The following CNIH3 variants were observed in gnomAD, a reference collection of about 807,000 sequenced individuals.
CNIH3 encodes the protein cornichon family AMPA receptor auxiliary protein 3.
A neutral mutation model predicts 24.1 loss-of-function variants in CNIH3; 14 were observed. The observed-to-expected ratio is 0.58, with a 90% CI of 0.38 to 0.91. The LOEUF is 0.91. Among genes scored for constraint, CNIH3 ranks in the 40% least tolerant of loss-of-function variants. CNIH3 has a pLI of 0.00. For synonymous variants in CNIH3, 68 were observed against 73.8 expected (o/e 0.92, Z 0.40); for missense variants, 178 against 196.8 (o/e 0.90, Z 0.57).
At chr1:224,563,968 C>A (rs1425609025) in intron 3 of CNIH3, among the ~76,000 whole-genome samples, 1 of 152,232 alleles carries the variant, frequency 6.6e-6, no homozygotes, top group South Asian at 2.1e-4. Context: ...GAATCTTAAA[C>A]AAAATCTATA....
intron 4 of CNIH3, among the ~76,000 whole-genome samples, chr1:224,582,478 T>A (rs1681317698): frequency 6.6e-6 from 1 of 152,168 alleles, no homozygotes; most frequent in South Asian, 2.1e-4. Context: ...AAAATAATGG[T>A]GATGGATTTT....
At chr1:224,637,762 A>C (rs1684166629) in intron 1 of CNIH3, among the ~76,000 whole-genome samples, 2 of 152,134 alleles carry the variant, frequency 1.3e-5, no homozygotes, top group African/African-American at 4.8e-5. Flanking sequence ...AGCTGGGCGG[A>C]GGCAGAGCTC....
intron 1 of CNIH3, among the ~76,000 whole-genome samples, chr1:224,483,292 G>A (rs1676885594): frequency 1.3e-5 from 2 of 152,178 alleles, no homozygotes; most frequent in South Asian, 2.1e-4. Context: ...GAAGGTTGCA[G>A]TGAGCTGAGA....
intron 2 of CNIH3, among the ~76,000 whole-genome samples, chr1:224,532,369 G>A (rs1385139330): frequency 6.6e-6 from 1 of 152,184 alleles, no homozygotes; most frequent in Non-Finnish European, 1.5e-5. Flanking sequence ...GGAGCCTGTG[G>A]AAGGTTTGAA....
At chr1:224,483,846 A>T (rs918464938) in intron 1 of CNIH3, among the ~76,000 whole-genome samples, 1 of 151,866 alleles carries the variant, frequency 6.6e-6, no homozygotes, top group African/African-American at 2.4e-5. Flanking sequence ...AGAAATTTGC[A>T]TGTATGTAGT....
At chr1:224,493,178 A>T in intron 1 of CNIH3, among the ~76,000 whole-genome samples, 1 of 152,168 alleles carries the variant, frequency 6.6e-6, no homozygotes, top group African/African-American at 2.4e-5. Context: ...AAAGAAATCC[A>T]TTTGTTGGAA....
At chr1:224,594,219 G>T (rs1681881455) in intron 3 of CNIH3, among the ~76,000 whole-genome samples, 1 of 152,216 alleles carries the variant, frequency 6.6e-6, no homozygotes, top group African/African-American at 2.4e-5. Context: ...GACCCCTAGA[G>T]CCCAAGCCTG....
intron 1 of CNIH3, among the ~76,000 whole-genome samples, chr1:224,480,982 T>C (rs1394387743): frequency 6.6e-6 from 1 of 152,234 alleles, no homozygotes; most frequent in African/African-American, 2.4e-5. Context: ...ATGCTGCTGA[T>C]AAAGACATAC....
At chr1:224,687,606 A>T (rs1451262197) in intron 3 of CNIH3, among the ~76,000 whole-genome samples, 1 of 151,934 alleles carries the variant, frequency 6.6e-6, no homozygotes, top group African/African-American at 2.4e-5. Flanking sequence ...TACTTTTAAC[A>T]ATTGGTTATT....
chr1:224,720,040 C>T (rs75139809), intron 3 of CNIH3, among the ~76,000 whole-genome samples: 2 of 152,204 alleles, frequency 1.3e-5, no homozygotes, highest in East Asian at 1.9e-4. Flanking sequence ...TGGGTCAGGA[C>T]GTTCAGCAAA....
At chr1:224,510,712 G>A (rs1352511020) in intron 1 of CNIH3, among the ~76,000 whole-genome samples, 5 of 152,156 alleles carry the variant, frequency 3.3e-5, no homozygotes, top group African/African-American at 7.2e-5. Flanking sequence ...AGGCAGGTAA[G>A]AGGAAACACA....
intron 1 of CNIH3, among the ~76,000 whole-genome samples, chr1:224,518,767 T>C (rs1024652011): frequency 6.6e-6 from 1 of 152,174 alleles, no homozygotes; most frequent in African/African-American, 2.4e-5. Flanking sequence ...GATTCAGAGA[T>C]AGGCAACAAC....
intron 1 of CNIH3, among the ~76,000 whole-genome samples, chr1:224,628,447 C>T (rs1683649919): frequency 6.6e-6 from 1 of 152,080 alleles, no homozygotes; most frequent in African/African-American, 2.4e-5. Flanking sequence ...CCATTCTCTC[C>T]TCCCCAAGCC....
chr1:224,686,941 C>T (rs1411097354), intron 3 of CNIH3, among the ~76,000 whole-genome samples: 1 of 152,226 alleles, frequency 6.6e-6, no homozygotes, highest in Non-Finnish European at 1.5e-5. Context: ...CTGTACTCTA[C>T]CTCTTCCTGC....
At chr1:224,730,655 G>A in intron 4 of CNIH3, 81 bp downstream of exon 4, 1 of 811,404 alleles carries the variant, frequency 1.2e-6, no homozygotes, top group Admixed American at 2.1e-5. Flanking sequence ...CACCCAAATA[G>A]ACAGCTTCTA....
intron 1 of CNIH3, among the ~76,000 whole-genome samples, chr1:224,483,696 C>G (rs920766473): frequency 6.6e-6 from 1 of 152,078 alleles, no homozygotes; most frequent in East Asian, 1.9e-4. Flanking sequence ...CCACACCCGG[C>G]TGATTTTTGG....
chr1:224,469,837 T>C (rs899878110), intron 1 of CNIH3, among the ~76,000 whole-genome samples: 9 of 152,216 alleles, frequency 5.9e-5, no homozygotes, highest in African/African-American at 2.2e-4. Context: ...TATTTCCATG[T>C]GGTATCATTT....
chr1:224,439,784 G>T (rs1198685562), intron 1 of CNIH3, among the ~76,000 whole-genome samples: 2 of 142,278 alleles, frequency 1.4e-5, no homozygotes, highest in Admixed American at 7.0e-5. Context: ...GGTAATTTTG[G>T]TTTTTGTTTT....
rs377712116 is a variant in CNIH3, at chr1:224,739,407, G to A, written c.*51G>A. On this transcript the variant is annotated 3_prime_UTR_variant, in exon 6 of 6. Coordinates refer to ENST00000272133, the MANE Select transcript of CNIH3 (RefSeq NM_152495.2). ...GACTGAGATGGGAGAGGCCTGAGAC[G>A]GAGAGGTGCATTTCTGCTGGTGACT... 26 of 1,592,546 alleles carry A rather than the reference G, an allele frequency of 1.6e-5. No individual in the cohort carries two copies. The highest frequency in any genetic ancestry group is 2.2e-5 in the East Asian group (1 of 44,662).
Sources: allele counts gnomAD v4.1 joint callset (sites outside exome capture counted in the v4.1 genomes callset), GRCh38; gene constraint gnomAD v4.1.1; transcripts MANE v1.5; gene names NCBI Gene and HGNC (gene_info 2026-07-23, HGNC 2026-07-21).